KIAA1217: variants seen among roughly 807,000 people sequenced by gnomAD.
KIAA1217 encodes the protein sickle tail protein homolog.
A neutral mutation model predicts 163.9 loss-of-function variants in KIAA1217; 88 were observed. The observed-to-expected ratio is 0.54, with a 90% CI of 0.45 to 0.64. The LOEUF (loss-of-function observed/expected upper bound fraction) is 0.64. Among genes scored for constraint, KIAA1217 ranks in the 30% least tolerant of loss-of-function variants. The pLI, the probability that KIAA1217 is intolerant of heterozygous loss-of-function variation, is 0.00. For synonymous variants in KIAA1217, 903 were observed against 923.1 expected (o/e 0.98, Z 0.39); for missense variants, 2,372 against 2,475.0 (o/e 0.96, Z 0.88).
At chr10:24,224,406 C>G (rs1232407510) in intron 2 of KIAA1217, among the ~76,000 whole-genome samples, 1 of 151,962 alleles carries the variant, frequency 6.6e-6, no homozygotes, top group East Asian at 1.9e-4. Flanking sequence ...GTGGTGCAAT[C>G]TTGGCTCACT....
chr10:24,151,271 A>G (rs907669556), intron 2 of KIAA1217, among the ~76,000 whole-genome samples: 7 of 151,880 alleles, frequency 4.6e-5, no homozygotes, highest in African/African-American at 1.5e-4. Flanking sequence ...GCTTGGACTG[A>G]ATTTCACATA....
chr10:24,102,060 T>A (rs1026729977), intron 2 of KIAA1217, among the ~76,000 whole-genome samples: 6 of 152,168 alleles, frequency 3.9e-5, no homozygotes, highest in Non-Finnish European at 8.8e-5. Context: ...ATCCCAATTT[T>A]AAAAAATCCA....
chr10:23,965,384 TG>T (rs1425324363), intron 1 of KIAA1217, among the ~76,000 whole-genome samples: 1 of 152,232 alleles, frequency 6.6e-6, no homozygotes, highest in African/African-American at 2.4e-5. Context: ...CTCTTGTTCC[TG>T]GGGCCGTCAA....
intron 1 of KIAA1217, among the ~76,000 whole-genome samples, chr10:23,760,423 G>A (rs1482500783): frequency 6.6e-6 from 1 of 152,184 alleles, no homozygotes; most frequent in East Asian, 1.9e-4. Flanking sequence ...GTTTGTGACA[G>A]CCTAAGGCTG....
chr10:23,842,499 T>G (rs1029208953), intron 1 of KIAA1217, among the ~76,000 whole-genome samples: 1 of 152,150 alleles, frequency 6.6e-6, no homozygotes, highest in Non-Finnish European at 1.5e-5. Flanking sequence ...ACACATATTC[T>G]CGGATTAATC....
In KIAA1217 at chr10:24,473,504, C is replaced by T; in HGVS notation, c.1123C>T (p.Pro375Ser). The T allele has an allele frequency of 2.5e-6, 4 of 1,614,130 alleles. No homozygotes were observed. The highest frequency in any genetic ancestry group is 2.5e-6 in the Non-Finnish European group (3 of 1,180,024). ...CATTTTAGAAAGAAGAGATGTCAAG[C>T]CTGATGAAGACATGAGTGGCAAAAA... ...SAILERRDVK[P>S]DEDMSGKNIA... Residue 375 changes from proline (P) to serine (S), a missense_variant, in exon 6 of 21, where the codon CCT (proline) becomes TCT (serine). Physicochemically the swap from Pro to Ser is moderately conservative, Grantham distance 74. Around this residue, in one of 3 missense-constraint regions of KIAA1217, gnomAD observed 1,431 missense variants for 1,470.3 expected, o/e 0.97. Coordinates refer to ENST00000376454, the MANE Select transcript of KIAA1217 (RefSeq NM_019590.5).
At chr10:24,219,093 A>G (rs1163056189) in intron 1 of KIAA1217, among the ~76,000 whole-genome samples, 3 of 152,118 alleles carry the variant, frequency 2.0e-5, no homozygotes, top group African/African-American at 7.2e-5. Context: ...AGCCTAACCA[A>G]GTGTTCTTGA....
Position 24,543,241 on chromosome 10 carries a change from G to T in KIAA1217, c.3971G>T (p.Arg1324Ile), listed in dbSNP as rs369723065. 155 of 1,613,572 alleles carry T rather than the reference G, an allele frequency of 9.6e-5. No homozygotes were observed. The highest frequency in any genetic ancestry group is 1.2e-4 in the Non-Finnish European group (146 of 1,179,990). The change falls in exon 19 of 21, where the codon AGA (arginine) becomes ATA (isoleucine). Residue 1324 changes from arginine (R) to isoleucine (I), a missense_variant. Coordinates refer to ENST00000376454, the MANE Select transcript of KIAA1217 (RefSeq NM_019590.5). ...TDKCHVSSHT[R>I]LTESSVHDFK... ...AAGTGTCACGTTTCCTCTCACACTAGACTAACAGAATCAAGCGTGCATGAT... is the reference window on the plus strand; with the variant it reads ...AAGTGTCACGTTTCCTCTCACACTATACTAACAGAATCAAGCGTGCATGAT...
At chr10:23,701,539 C>T (rs982298770) in intron 1 of KIAA1217, among the ~76,000 whole-genome samples, 3 of 152,160 alleles carry the variant, frequency 2.0e-5, no homozygotes, top group African/African-American at 7.2e-5. Context: ...TCACTGATGG[C>T]CTCCTGAACC....
chr10:24,103,807 A>G (rs1209194695), intron 2 of KIAA1217, among the ~76,000 whole-genome samples: 1 of 152,196 alleles, frequency 6.6e-6, no homozygotes, highest in Non-Finnish European at 1.5e-5. Context: ...ACATTCCCCA[A>G]CTTCAAGACT....
rs918086870 is a variant in KIAA1217, at chr10:23,954,983, C to G, written c.-320-52242C>G. ...GGTATCTAGATTAAGTTACTTAGTC[C>G]AGTTTATCTATCTGTAAAAGGAAGA... On this transcript the variant is annotated intron_variant, in intron 1 of 18. Coordinates refer to the KIAA1217 transcript ENST00000376462. Among the ~76,000 whole-genome samples the G allele has an allele frequency of 2.6e-5, 4 of 152,044 alleles. No homozygotes were observed. In the East Asian group the frequency reaches 7.7e-4, roughly 29 times the overall value.
intron 2 of KIAA1217, among the ~76,000 whole-genome samples, chr10:24,196,172 C>CACACACACACACACACA (rs1222471443): frequency 6.8e-6 from 1 of 146,550 alleles, no homozygotes; most frequent in African/African-American, 2.5e-5. Context: ...CACACACACA[C>CACACACACACACACACA]TGCCCTCACA....
At chr10:23,790,524 C>CATATGTACATATGT (rs1354470769) in intron 1 of KIAA1217, among the ~76,000 whole-genome samples, 10 of 104,168 alleles carry the variant, frequency 9.6e-5, no homozygotes, top group African/African-American at 4.1e-4. Flanking sequence ...TGTATATATA[C>CATATGTACATATGT]ATATATACAT....
chr10:23,823,457 T>C (rs1317657240), intron 1 of KIAA1217, among the ~76,000 whole-genome samples: 1 of 152,234 alleles, frequency 6.6e-6, no homozygotes, highest in East Asian at 1.9e-4. Flanking sequence ...CTAGAAGAGA[T>C]GGCAGAGAAA....
intron 1 of KIAA1217, among the ~76,000 whole-genome samples, chr10:23,950,454 A>T (rs760207433): frequency 4.0e-5 from 6 of 151,426 alleles, no homozygotes; most frequent in African/African-American, 1.5e-4. Flanking sequence ...TGAGGTTTTA[A>T]ACACATAAAC....
intron 3 of KIAA1217, among the ~76,000 whole-genome samples, chr10:24,405,623 G>C (rs932072691): frequency 6.6e-6 from 1 of 152,168 alleles, no homozygotes; most frequent in Non-Finnish European, 1.5e-5. Context: ...AACCTACGAT[G>C]CTATTTTGAT....
chr10:24,268,777 T>C (rs374159842), intron 2 of KIAA1217, among the ~76,000 whole-genome samples: 2 of 123,830 alleles, frequency 1.6e-5, no homozygotes, highest in South Asian at 2.8e-4. Context: ...TATTGCGGCA[T>C]TATTCACAAT....
At chr10:24,233,124 C>G (rs1358716897) in intron 2 of KIAA1217, among the ~76,000 whole-genome samples, 1 of 151,784 alleles carries the variant, frequency 6.6e-6, no homozygotes, top group Admixed American at 6.6e-5. Flanking sequence ...GACCCTGTCT[C>G]AATAAAATAA....
chr10:23,963,393 G>A (rs923848240), intron 1 of KIAA1217, among the ~76,000 whole-genome samples: 1 of 152,154 alleles, frequency 6.6e-6, no homozygotes, highest in African/African-American at 2.4e-5. Flanking sequence ...GTGTTAGTTT[G>A]TTGAGAATGA....
Sources: gnomAD v4.1 joint callset for allele counts (sites outside exome capture counted in the v4.1 genomes callset) on GRCh38, gnomAD v4.1.1 for gene constraint, gnomAD v4.1.1 regional missense constraint, MANE v1.5 for transcripts, NCBI Gene and HGNC (gene_info 2026-07-23, HGNC 2026-07-21) for gene names.